Variants in ATOSA observed in about 807,000 individuals in gnomAD.
The protein encoded by ATOSA is atos homolog A, also known as atos homolog protein A.
At chr15:52,582,062 C>T in the ATOSA span, 1 of 1,055,482 alleles carries the variant, frequency 9.5e-7, no homozygotes, top group Non-Finnish European at 1.3e-6. Flanking sequence ...AGAATCCACT[C>T]TCCTGATTGT....
At chr15:52,610,409 A>G in the ATOSA span, 5 of 1,566,324 alleles carry the variant, frequency 3.2e-6, no homozygotes, top group Non-Finnish European at 2.6e-6. Flanking sequence ...AAAATACTGT[A>G]TTATTGGATT....
At chr15:52,609,091 A>T in the ATOSA span, 2 of 1,613,532 alleles carry the variant, frequency 1.2e-6, no homozygotes, top group Non-Finnish European at 1.7e-6. Flanking sequence ...GGAAGTTGAT[A>T]AACTAGAACT....
chr15:52,708,570 T>C, the ATOSA span, among the ~76,000 whole-genome samples: 1 of 152,152 alleles, frequency 6.6e-6, no homozygotes, highest in Non-Finnish European at 1.5e-5. Context: ...AAAGTGAGAA[T>C]AGCTGCATTT....
the ATOSA span, chr15:52,651,956 A>T: frequency 6.5e-7 from 1 of 1,529,954 alleles, no homozygotes; most frequent in Non-Finnish European, 8.7e-7. Flanking sequence ...CAATAGCTAT[A>T]CTATCAGTAA....
At chr15:52,659,629 C>T in the ATOSA span, among the ~76,000 whole-genome samples, 1 of 152,248 alleles carries the variant, frequency 6.6e-6, no homozygotes, top group Non-Finnish European at 1.5e-5. Context: ...CTACAAAACA[C>T]AGCTGGGGCA....
chr15:52,596,283 A>G, the ATOSA span, among the ~76,000 whole-genome samples: 1 of 152,174 alleles, frequency 6.6e-6, no homozygotes, highest in Admixed American at 6.6e-5. Flanking sequence ...GCCAAACAAA[A>G]TCTCAGCAGG....
At chr15:52,660,966 T>G in the ATOSA span, among the ~76,000 whole-genome samples, 2 of 152,352 alleles carry the variant, frequency 1.3e-5, no homozygotes, top group African/African-American at 4.8e-5. Context: ...AATACTATTT[T>G]CTAAGCACCT....
chr15:52,643,158 T>C, the ATOSA span, among the ~76,000 whole-genome samples: 84 of 152,300 alleles, frequency 5.5e-4, no homozygotes, highest in Non-Finnish European at 7.6e-4. Flanking sequence ...TGAAAAAATT[T>C]TGTGGTCAGA....
chr15:52,610,276 A>G, the ATOSA span: 1 of 1,614,008 alleles, frequency 6.2e-7, no homozygotes, highest in Non-Finnish European at 8.5e-7. Context: ...CAAGGACTGA[A>G]CACTGACTTT....
chr15:52,651,755 C>T, the ATOSA span: 1 of 1,006,462 alleles, frequency 9.9e-7, no homozygotes, highest in Non-Finnish European at 1.5e-6. Flanking sequence ...AGATAATTTT[C>T]CTAGACCTAT....
At chr15:52,642,032 T>C in the ATOSA span, among the ~76,000 whole-genome samples, 15 of 152,364 alleles carry the variant, frequency 9.8e-5, no homozygotes, top group African/African-American at 3.6e-4. Context: ...ATGAGAACTG[T>C]AGTCAACTAA....
chr15:52,686,282 A>C, the ATOSA span, among the ~76,000 whole-genome samples: 1 of 152,214 alleles, frequency 6.6e-6, no homozygotes, highest in African/African-American at 2.4e-5. Flanking sequence ...AATACTTTTC[A>C]TGGTTAAAAA....
the ATOSA span, among the ~76,000 whole-genome samples, chr15:52,677,644 A>C: frequency 3.3e-5 from 5 of 152,234 alleles, no homozygotes; most frequent in Admixed American, 3.3e-4. Flanking sequence ...ATTCAAGTTT[A>C]AAAAGCTTAT....
At chr15:52,701,378 G>A in the ATOSA span, among the ~76,000 whole-genome samples, 1 of 152,164 alleles carries the variant, frequency 6.6e-6, no homozygotes, top group African/African-American at 2.4e-5. Context: ...GTTTGAGGTT[G>A]CAATGAGCCA....
At chr15:52,633,380 G>T in the ATOSA span, among the ~76,000 whole-genome samples, 1 of 152,180 alleles carries the variant, frequency 6.6e-6, no homozygotes. Context: ...CTGGCCAGCA[G>T]ACAGGACAGG....
chr15:52,697,957 A>ATTT, the ATOSA span, among the ~76,000 whole-genome samples: 527 of 44,810 alleles, frequency 0.012, 50 homozygotes, highest in Non-Finnish European at 0.014. Flanking sequence ...GGGATGTAGA[A>ATTT]TTTTTTTTTT....
the ATOSA span, chr15:52,608,994 C>T: frequency 2.5e-6 from 4 of 1,612,792 alleles, no homozygotes; most frequent in Non-Finnish European, 3.4e-6. Flanking sequence ...AATTTGAATA[C>T]TGTTTATCAA....
chr15:52,644,719 C>A, the ATOSA span, among the ~76,000 whole-genome samples: 21 of 152,180 alleles, frequency 1.4e-4, no homozygotes, highest in African/African-American at 5.1e-4. Flanking sequence ...CAATGTAATT[C>A]TCTTCAATGA....
the ATOSA span, among the ~76,000 whole-genome samples, chr15:52,594,216 G>A: frequency 3.3e-5 from 5 of 152,102 alleles, no homozygotes; most frequent in South Asian, 2.1e-4. Flanking sequence ...AATTCTAACC[G>A]AGAAATAATT....
Sources: allele counts gnomAD v4.1 joint callset (sites outside exome capture counted in the v4.1 genomes callset), GRCh38; gene constraint gnomAD v4.1.1; transcripts MANE v1.5; gene names NCBI Gene and HGNC (gene_info 2026-07-23, HGNC 2026-07-21).